Variants in SHISA6 observed in about 807,000 individuals in gnomAD.
SHISA6 encodes protein shisa-6.
SHISA6 carries 22 observed loss-of-function variants against 47.9 expected under a neutral mutation model. The ratio of observed to expected loss-of-function variants is 0.46; its 90% CI spans 0.33 to 0.66. The LOEUF (loss-of-function observed/expected upper bound fraction) is 0.66, where lower values mean the gene tolerates loss of function less well. Ranked by LOEUF, SHISA6 falls within the 30% of genes least tolerant of loss-of-function variation. The pLI is 0.02. For synonymous variants in SHISA6, 388 were observed against 337.8 expected (o/e 1.15, Z -1.63); for missense variants, 680 against 764.6 (o/e 0.89, Z 1.30).
chr17:11,546,075 A>G (rs1277760009), intron 3 of SHISA6, among the ~76,000 whole-genome samples: 1 of 152,208 alleles, frequency 6.6e-6, no homozygotes, highest in Non-Finnish European at 1.5e-5. Context: ...TGGGACTAGA[A>G]ATATAACTGT....
At chr17:11,485,225 G>T (rs1457849387) in intron 3 of SHISA6, among the ~76,000 whole-genome samples, 1 of 152,118 alleles carries the variant, frequency 6.6e-6, no homozygotes, top group Non-Finnish European at 1.5e-5. Flanking sequence ...GGAGGCCAGA[G>T]AAGGAGTTAG....
intron 3 of SHISA6, among the ~76,000 whole-genome samples, chr17:11,434,066 T>C (rs950830484): frequency 1.2e-4 from 17 of 143,198 alleles, no homozygotes; most frequent in East Asian, 4.0e-4. Flanking sequence ...TTTTCTCTCT[T>C]TTTTTTTTTT....
intron 3 of SHISA6, among the ~76,000 whole-genome samples, chr17:11,412,709 T>G (rs888963145): frequency 6.7e-6 from 1 of 148,628 alleles, no homozygotes; most frequent in Non-Finnish European, 1.5e-5. Flanking sequence ...GCCGGGCTAA[T>G]TTTTTGTATT....
At chr17:11,517,630 G>GT (rs1173374207) in intron 3 of SHISA6, among the ~76,000 whole-genome samples, 3 of 152,064 alleles carry the variant, frequency 2.0e-5, no homozygotes, top group African/African-American at 7.2e-5. Context: ...AGCCTCCTTA[G>GT]TAGCTGGACC....
At chr17:11,447,937 C>T (rs777487976) in intron 3 of SHISA6, among the ~76,000 whole-genome samples, 5 of 152,244 alleles carry the variant, frequency 3.3e-5, no homozygotes, top group Middle Eastern at 3.4e-3. Context: ...GCAGTGGGTA[C>T]GGGCACTCCG....
chr17:11,527,855 G>A (rs2071699203), intron 3 of SHISA6, among the ~76,000 whole-genome samples: 1 of 152,130 alleles, frequency 6.6e-6, no homozygotes, highest in Non-Finnish European at 1.5e-5. Context: ...AAAATCTGAA[G>A]TTATTGTTTT....
chr17:11,477,509 G>A (rs1419113425), intron 3 of SHISA6, among the ~76,000 whole-genome samples: 1 of 151,714 alleles, frequency 6.6e-6, no homozygotes, highest in Admixed American at 6.6e-5. Flanking sequence ...ATGCTGCTGT[G>A]CTGCACCCAC....
chr17:11,369,737 C>CT (rs1413238484), intron 2 of SHISA6, among the ~76,000 whole-genome samples: 3 of 152,206 alleles, frequency 2.0e-5, no homozygotes, highest in Non-Finnish European at 4.4e-5. Context: ...CAGGGTCCTG[C>CT]TTATGACAAT....
intron 2 of SHISA6, among the ~76,000 whole-genome samples, chr17:11,319,673 G>T (rs1484470300): frequency 1.3e-5 from 2 of 152,144 alleles, no homozygotes; most frequent in East Asian, 3.9e-4. Context: ...TAACATAGTA[G>T]CTTTATGATT....
chr17:11,429,334 C>T (rs1231795139), intron 3 of SHISA6, among the ~76,000 whole-genome samples: 1 of 152,058 alleles, frequency 6.6e-6, no homozygotes, highest in African/African-American at 2.4e-5. Flanking sequence ...AAGTGCCATC[C>T]CATCACTTTT....
chr17:11,336,517 C>A (rs117502593), intron 2 of SHISA6, among the ~76,000 whole-genome samples: 3,034 of 152,228 alleles, frequency 0.02, 41 homozygotes, highest in Middle Eastern at 0.051. Context: ...TGCAGCTCCT[C>A]ACCTGCCGCC....
At chr17:11,303,237 T>C (rs1394671616) in intron 2 of SHISA6, among the ~76,000 whole-genome samples, 1 of 151,706 alleles carries the variant, frequency 6.6e-6, no homozygotes. Context: ...TTCAGTGTGA[T>C]TGTGAGTGTG....
At position 11,558,306 on chromosome 17, in the gene SHISA6, C is replaced by T. The variant is rs143963550; in HGVS notation, c.*2C>T. 8.6e-3 allele frequency: 13,195 copies of T among 1,536,080 alleles called. 76 individuals carry two copies. The highest frequency in any genetic ancestry group is 0.01 in the Non-Finnish European group (11,949 of 1,145,862). ...AGCAAGACCGAAGTGACCGTGTGAC[C>T]GGCGGGGCAGGGCCGGGGCTGCTGG... On this transcript the variant is annotated 3_prime_UTR_variant, in exon 6 of 6. Coordinates refer to ENST00000441885, the MANE Select transcript of SHISA6 (RefSeq NM_207386.4).
intron 2 of SHISA6, among the ~76,000 whole-genome samples, chr17:11,379,001 T>C (rs1292482746): frequency 2.6e-5 from 4 of 151,966 alleles, no homozygotes; most frequent in African/African-American, 4.8e-5. Flanking sequence ...CAGCCAGAAA[T>C]GCCAAAATCA....
intron 3 of SHISA6, among the ~76,000 whole-genome samples, chr17:11,502,169 G>C (rs930768293): frequency 6.6e-6 from 1 of 152,014 alleles, no homozygotes; most frequent in African/African-American, 2.4e-5. Context: ...CAGCACTTTG[G>C]GAGGCCGAGG....
intron 3 of SHISA6, among the ~76,000 whole-genome samples, chr17:11,481,356 G>GTATATATA (rs1417264013): frequency 1.2e-3 from 151 of 121,158 alleles, no homozygotes; most frequent in African/African-American, 4.2e-3. Context: ...GTGTGTGTGT[G>GTATATATA]TGTGTGTGTG....
chr17:11,371,588 G>T (rs1912630910), intron 2 of SHISA6, among the ~76,000 whole-genome samples: 1 of 152,150 alleles, frequency 6.6e-6, no homozygotes, highest in South Asian at 2.1e-4. Flanking sequence ...GTGAGGTTAG[G>T]TATTAGTATC....
At position 11,452,621 on chromosome 17, in the gene SHISA6, A is replaced by G. The variant is rs181856147; in HGVS notation, c.895+73112A>G. Among the ~76,000 whole-genome samples the G allele has an allele frequency of 1.8e-3, 264 of 150,354 alleles. 1 individual carries two copies. Among genetic ancestry groups the G allele is most frequent in the African/African-American group, 6.2e-3 (252 of 40,826 alleles). ...ATTCCTTCCTTCTTGTCCACTTTTC[A>G]TCTTCCTCTTTCTCCTCCTCTTCCT... On this transcript the variant is annotated intron_variant, in intron 3 of 5. Coordinates refer to ENST00000441885, the MANE Select transcript of SHISA6 (RefSeq NM_207386.4).
intron 2 of SHISA6, among the ~76,000 whole-genome samples, chr17:11,306,564 C>A (rs1910116881): frequency 6.6e-6 from 1 of 152,242 alleles, no homozygotes; most frequent in Non-Finnish European, 1.5e-5. Flanking sequence ...TCCTCTGTGA[C>A]TGCACCTGAG....
Sources: gnomAD v4.1 joint callset for allele counts (sites outside exome capture counted in the v4.1 genomes callset) on GRCh38, gnomAD v4.1.1 for gene constraint, MANE v1.5 for transcripts, NCBI Gene and HGNC (gene_info 2026-07-23, HGNC 2026-07-21) for gene names.